The following TPCN1 variants were observed in gnomAD, a reference collection of about 807,000 sequenced individuals.
TPCN1 encodes the protein two pore segment channel 1, also known as two pore channel protein 1.
Under a neutral mutation model 108.8 loss-of-function variants are expected in TPCN1, and 52 were observed. The ratio of observed to expected loss-of-function variants is 0.48; its 90% confidence interval spans 0.38 to 0.60. TPCN1 has a LOEUF of 0.60. Among genes scored for constraint, TPCN1 ranks in the 20% least tolerant of loss-of-function variants. The pLI is 0.00. For synonymous variants in TPCN1, 446 were observed against 433.7 expected (o/e 1.03, Z -0.35); for missense variants, 806 against 1,072.8 (o/e 0.75, Z 3.47).
chr12:113,276,732 C>T (rs545624381), intron 10 of TPCN1, among the ~76,000 whole-genome samples, 187 bp from the exon 11 acceptor site: 1 of 152,230 alleles, frequency 6.6e-6, no homozygotes, highest in African/African-American at 2.4e-5. Flanking sequence ...GAACAAAGGG[C>T]CTTCCTCTGT....
At chr12:113,230,082 C>T (rs1295842251) in intron 2 of TPCN1, among the ~76,000 whole-genome samples, 1 of 152,152 alleles carries the variant, frequency 6.6e-6, no homozygotes, top group Non-Finnish European at 1.5e-5. Flanking sequence ...TCGTGGCCTC[C>T]AGTTCTGTCT....
At position 113,268,994 on chromosome 12, in the gene TPCN1, AC is replaced by A. The variant is rs2136629853; in HGVS notation, c.659+123del. ...TCGACCCTGCATGCTGGTGGAGTAC[AC>A]GCAGACTCACTCTCCCTCTGCCATT... On this transcript the variant is annotated intron_variant, in intron 6 of 27. Coordinates refer to ENST00000335509, the MANE Select transcript of TPCN1 (RefSeq NM_017901.6). The surrounding 1 kb of genome is among the most constrained non-coding windows in gnomAD (Gnocchi z 7.3). 3 of 1,085,594 alleles carry A rather than the reference AC, an allele frequency of 2.8e-6. No individual in the cohort carries two copies. The highest frequency in any genetic ancestry group is 4.0e-6 in the Non-Finnish European group (3 of 741,006). 67.2% of individuals were successfully genotyped at this position (1,085,594 alleles called of 1,614,324 possible). A position where few individuals can be genotyped will look rare whatever the true frequency, so the allele number is the denominator to read the frequency against.
At position 113,288,441 on chromosome 12, in the gene TPCN1, G is replaced by T; in HGVS notation, c.1706+207G>T. On this transcript the variant is annotated intron_variant, in intron 20 of 27. Transcript: ENST00000335509. This position sits in a 1 kb window ranked among gnomAD's most constrained non-coding sequence, Gnocchi z 4.8. Reference sequence around the variant, plus strand: ...TCCACTGACCTGTCTGACATATTTAGTAGGGAGGGCAGGGAGCTGTCAACT... The same window carrying T: ...TCCACTGACCTGTCTGACATATTTATTAGGGAGGGCAGGGAGCTGTCAACT... The T allele has an allele frequency of 6.7e-7, 1 of 1,487,776 alleles. No individual in the cohort carries two copies. Among genetic ancestry groups the T allele is most frequent in the Non-Finnish European group, 8.9e-7 (1 of 1,120,854 alleles). 92.2% of individuals were successfully genotyped at this position (1,487,776 alleles called of 1,614,324 possible).
chr12:113,267,798 T>C, intron 4 of TPCN1, 45 bp from the exon 5 acceptor site: 2 of 1,374,936 alleles, frequency 1.5e-6, no homozygotes, highest in Non-Finnish European at 2.1e-6. Context: ...GGAGTGGCCA[T>C]GGGCTGGGCT....
intron 2 of TPCN1, among the ~76,000 whole-genome samples, chr12:113,237,310 G>A (rs1049144716): frequency 1.3e-5 from 2 of 152,064 alleles, no homozygotes. Context: ...ACCAGTCACT[G>A]AACTTCCCCA....
At chr12:113,265,536 T>C (rs1438138491) in intron 3 of TPCN1, among the ~76,000 whole-genome samples, 2 of 151,768 alleles carry the variant, frequency 1.3e-5, no homozygotes, top group Non-Finnish European at 2.9e-5. Flanking sequence ...AGGACCTTTT[T>C]TCTTTTTCTT....
intron 18 of TPCN1, among the ~76,000 whole-genome samples, 194 bp from the exon 19 acceptor site, chr12:113,286,793 C>T (rs540558156): frequency 5.9e-5 from 9 of 152,296 alleles, no homozygotes; most frequent in South Asian, 4.2e-4. Context: ...ACCCGTGAGA[C>T]GCATGCTGGG....
At chr12:113,255,535 T>A (rs1954801037) in intron 2 of TPCN1, among the ~76,000 whole-genome samples, 1 of 151,984 alleles carries the variant, frequency 6.6e-6, no homozygotes, top group Non-Finnish European at 1.5e-5. Context: ...TAATTAATTT[T>A]TTTTTTTTGA....
intron 2 of TPCN1, 82 bp from the exon 3 acceptor site, chr12:113,260,286 G>T: frequency 7.0e-7 from 1 of 1,419,010 alleles, no homozygotes; most frequent in Non-Finnish European, 9.2e-7. Context: ...TGAAGGGACT[G>T]CCAGGCTTTT....
intron 2 of TPCN1, among the ~76,000 whole-genome samples, chr12:113,245,537 C>G (rs1159242143): frequency 8.0e-6 from 1 of 125,602 alleles, no homozygotes; most frequent in Non-Finnish European, 1.6e-5. Flanking sequence ...GGAGGCGGAG[C>G]TTGCAGTGAG....
rs75928776 is a variant in TPCN1, at chr12:113,246,012, G to A, written c.113-14356G>A. On this transcript the variant is annotated intron_variant, in intron 2 of 27. Coordinates refer to ENST00000335509, the MANE Select transcript of TPCN1 (RefSeq NM_017901.6). ...AAGCAGCCAGCTGTTTCGAGGGAGC[G>A]TCTGGGCCCTGTGACATCAGCATGT... 1.6e-4 allele frequency: 73 copies of A among 456,136 alleles called. No individual in the cohort carries two copies. The East Asian group carries it at 4.7e-3, about 30-fold the overall frequency. The allele number at this position is 456,136 out of a possible 1,614,324, so 28.3% of individuals were successfully genotyped here.
At chr12:113,293,230 T>C (rs1379136430) in intron 26 of TPCN1, 39 bp from the exon 27 acceptor site, 2 of 1,611,462 alleles carry the variant, frequency 1.2e-6, no homozygotes, top group South Asian at 2.2e-5. Flanking sequence ...GGGACCTGAA[T>C]ATCTGCAGCC....
intron 10 of TPCN1, among the ~76,000 whole-genome samples, chr12:113,274,917 T>C (rs1955621645): frequency 1.3e-5 from 2 of 152,156 alleles, no homozygotes; most frequent in African/African-American, 4.8e-5. Context: ...TCAGGAACCA[T>C]CAGAAAATCC....
At chr12:113,238,221 C>G (rs769526739) in intron 2 of TPCN1, among the ~76,000 whole-genome samples, 22 of 152,304 alleles carry the variant, frequency 1.4e-4, no homozygotes, top group Middle Eastern at 3.4e-3. Context: ...ATTTGGATGA[C>G]AAATTATTAA....
At chr12:113,234,393 G>A (rs1249175944) in intron 2 of TPCN1, among the ~76,000 whole-genome samples, 2 of 152,350 alleles carry the variant, frequency 1.3e-5, no homozygotes, top group Admixed American at 1.3e-4. Context: ...TTTGGAGCGG[G>A]GCATGAGGTT....
chr12:113,294,792 G>A (rs1046803769), intron 27 of TPCN1, among the ~76,000 whole-genome samples: 1 of 152,206 alleles, frequency 6.6e-6, no homozygotes, highest in Non-Finnish European at 1.5e-5. Flanking sequence ...GCCCTGCAGA[G>A]TCTTCTCAAC....
chr12:113,292,695 C>G (rs1956306486), intron 25 of TPCN1: 1 of 458,412 alleles, frequency 2.2e-6, no homozygotes, highest in Non-Finnish European at 3.9e-6. Flanking sequence ...GCTTAGAGGC[C>G]CCTTCCTGAA....
rs138605489 is a variant in TPCN1 at position 113,289,605 on chromosome 12, T to C, written c.1797-523T>C. Among the ~76,000 whole-genome samples the C allele has an allele frequency of 1.3e-5, 2 of 152,314 alleles. No homozygotes were observed. Among genetic ancestry groups the C allele is most frequent in the African/African-American group, 4.8e-5 (2 of 41,578 alleles). ...CCCTGGTGGCCCAAGCACTAGACTT[T>C]TATAAACATTAGCATGGATATTAAC... is the stretch of plus-strand genomic sequence containing the variant. On this transcript the variant is annotated intron_variant, in intron 21 of 27. Transcript: ENST00000335509. The surrounding 1 kb of genome is among the most constrained non-coding windows in gnomAD (Gnocchi z 4.1).
rs985460803 is a variant in TPCN1 at position 113,278,804 on chromosome 12, G to A, written c.1266G>A (p.Glu422=). The change falls in exon 14 of 28, where the codon GAG becomes GAA. Residue 422 remains glutamate, a synonymous_variant. Transcript: ENST00000335509. ...AKKNREHWFD[E]LPRTALLIFK... ...AAAACAGAGAGCACTGGTTTGATGA[G>A]CTTCCCAGGACGGCGCTCCTCATCT... The A allele has an allele frequency of 7.4e-6, 12 of 1,614,058 alleles. No individual in the cohort carries two copies. The highest frequency in any genetic ancestry group is 9.3e-6 in the Non-Finnish European group (11 of 1,179,932).
Sources: allele counts gnomAD v4.1 joint callset (sites outside exome capture counted in the v4.1 genomes callset), GRCh38; gene constraint gnomAD v4.1.1; non-coding constraint Gnocchi (gnomAD v3.1); transcripts MANE v1.5; gene names NCBI Gene and HGNC (gene_info 2026-07-23, HGNC 2026-07-21).